Variants in RP1 observed in about 807,000 individuals in gnomAD.
The protein encoded by RP1 is oxygen-regulated protein 1.
RP1 carries 16 observed loss-of-function variants against 14.8 expected under a neutral mutation model. That is an observed-to-expected ratio of 1.08 (90% CI 0.73 to 1.65). RP1 has a LOEUF of 1.65. Among genes scored for constraint, RP1 ranks in the 40% most tolerant of loss-of-function variants. The pLI, the probability that RP1 is intolerant of heterozygous loss-of-function variation, is 0.00. For synonymous variants in RP1, 876 were observed against 883.6 expected (o/e 0.99, Z 0.15); for missense variants, 2,631 against 2,535.0 (o/e 1.04, Z -0.81).
At chr8:54,770,027 C>T (rs1210191492), downstream of RP1, 3 of 486,300 alleles carry the variant, frequency 6.2e-6, no homozygotes, top group Non-Finnish European at 1.1e-5. Context: ...AAGGATTTGC[C>T]TCTGTTAAAG....
downstream of RP1, among the ~76,000 whole-genome samples, chr8:54,635,317 C>T (rs867013844): frequency 3.3e-5 from 5 of 152,124 alleles, no homozygotes; most frequent in Non-Finnish European, 7.4e-5. Flanking sequence ...TTCTTTTCTT[C>T]TGTAACACTA....
intron 26 of RP1, chr8:54,852,857 G>T: frequency 3.2e-6 from 2 of 624,360 alleles, no homozygotes; most frequent in Non-Finnish European, 4.6e-6. Context: ...GGGAGGTGTG[G>T]TCATTTCTTA....
chr8:54,703,846 T>C (rs189785433), intron 14 of RP1, among the ~76,000 whole-genome samples: 2 of 152,346 alleles, frequency 1.3e-5, no homozygotes, highest in Non-Finnish European at 1.5e-5. Flanking sequence ...GTTACGAAGA[T>C]GGCTTCTTTC....
At chr8:54,670,015 C>T (rs1182404850) in intron 7 of RP1, among the ~76,000 whole-genome samples, 1 of 151,890 alleles carries the variant, frequency 6.6e-6, no homozygotes, top group South Asian at 2.1e-4. Flanking sequence ...TACCCTAGAA[C>T]TTAAAGTATA....
At chr8:54,836,860 A>T (rs1372578670) in intron 24 of RP1, among the ~76,000 whole-genome samples, 2 of 151,928 alleles carry the variant, frequency 1.3e-5, no homozygotes, top group Non-Finnish European at 2.9e-5. Context: ...TAATTGATCA[A>T]TTTTTTTTCA....
intron 5 of RP1, among the ~76,000 whole-genome samples, chr8:54,654,538 A>G (rs1257022295): frequency 6.6e-6 from 1 of 152,224 alleles, no homozygotes; most frequent in Non-Finnish European, 1.5e-5. Flanking sequence ...AAGCCTTTCT[A>G]AAAGTGACAT....
chr8:54,670,726 A>T (rs1807162138), intron 7 of RP1, among the ~76,000 whole-genome samples: 1 of 137,410 alleles, frequency 7.3e-6, no homozygotes. Context: ...AGTCCTGGTG[A>T]ATTAACCATA....
At chr8:54,772,337 T>A (rs925660043), downstream of RP1, among the ~76,000 whole-genome samples, 23 of 151,870 alleles carry the variant, frequency 1.5e-4, no homozygotes, top group African/African-American at 5.6e-4. Context: ...CCTCACTAAC[T>A]CCAATAAATT....
At chr8:54,592,216 A>G (rs1353844177) in intron 1 of RP1, among the ~76,000 whole-genome samples, 1 of 152,226 alleles carries the variant, frequency 6.6e-6, no homozygotes, top group Non-Finnish European at 1.5e-5. Context: ...TTCCTCCTGT[A>G]GGAGCTGAAC....
Position 54,624,954 on chromosome 8 carries a change from C to T in RP1, c.1072C>T (p.Pro358Ser). 6.2e-7 allele frequency: 1 copy of T among 1,614,064 alleles called. No individual in the cohort carries two copies. The highest frequency in any genetic ancestry group is 1.1e-5 in the South Asian group (1 of 91,050). The change falls in exon 4 of 4, where the codon CCT becomes TCT. Residue 358 changes from proline to serine, a missense_variant. Physicochemically the swap from Pro to Ser is moderately conservative, Grantham distance 74. Coordinates refer to ENST00000220676, the MANE Select transcript of RP1 (RefSeq NM_006269.2). ...GACAACTACTGTCAGTAAAACTGGT[C>T]CTTCTAATAATGATGAAAAGAGTGA... is the stretch of plus-strand genomic sequence containing the variant. ...KWTTTVSKTG[P>S]SNNDEKSEMS...
chr8:54,844,337 A>G (rs1811862905), intron 25 of RP1, among the ~76,000 whole-genome samples: 1 of 152,162 alleles, frequency 6.6e-6, no homozygotes. Flanking sequence ...TAATGGCAAA[A>G]ACGCAGTTAC....
intron 12 of RP1, among the ~76,000 whole-genome samples, chr8:54,682,902 G>C (rs175829): frequency 6.6e-6 from 1 of 152,072 alleles, no homozygotes; most frequent in African/African-American, 2.4e-5. Context: ...GTATTGCCTA[G>C]ATTTTCTTCT....
rs1015682523 is a variant in RP1, at chr8:54,761,859, T to G, written c.3248+2783T>G. ...GATGAGACAGTTCCTACTTCCTTAATTCTTAAAGGAGCAGAAGAGTATGGC... is the reference window on the plus strand; with the variant it reads ...GATGAGACAGTTCCTACTTCCTTAAGTCTTAAAGGAGCAGAAGAGTATGGC... On this transcript the variant is annotated intron_variant, in intron 22 of 22. Coordinates refer to the RP1 transcript ENST00000636932. Among the ~76,000 whole-genome samples the G allele has an allele frequency of 3.9e-5, 6 of 152,168 alleles. 1 individual carries two copies. Among genetic ancestry groups the G allele is most frequent in the African/African-American group, 1.4e-4 (6 of 41,438 alleles).
intron 14 of RP1, among the ~76,000 whole-genome samples, chr8:54,705,177 T>TC (rs1808120011): frequency 6.6e-6 from 1 of 152,132 alleles, no homozygotes; most frequent in South Asian, 2.1e-4. Context: ...GAGACCACTA[T>TC]CAAGGCTTGA....
chr8:54,775,171 C>A (rs1810003732), intron 23 of RP1, among the ~76,000 whole-genome samples: 1 of 152,006 alleles, frequency 6.6e-6, no homozygotes, highest in Non-Finnish European at 1.5e-5. Context: ...GGTTCTGCTG[C>A]AAAAGTGGTC....
At chr8:54,623,075 C>T (rs1284985052) in intron 3 of RP1, among the ~76,000 whole-genome samples, 1 of 152,098 alleles carries the variant, frequency 6.6e-6, no homozygotes, top group Non-Finnish European at 1.5e-5. Context: ...GTATTAATCT[C>T]TCTACTTATT....
chr8:54,740,403 TAAAAAAA>T lies in RP1; in HGVS notation c.2808+1396_2808+1402del, dbSNP rs34753388. On this transcript the variant is annotated intron_variant, in intron 19 of 22. Coordinates refer to the RP1 transcript ENST00000636932. The stretch of plus-strand genomic sequence containing the variant: ...ATTTTTAACAAGAAAGCTTAAAAAG[TAAAAAAA>T]AAAAAAAAAAAAAAAAAAAAATTAA... Among the ~76,000 whole-genome samples, 16 of 80,240 alleles carry T rather than the reference TAAAAAAA, an allele frequency of 2.0e-4. No homozygotes were observed. In the East Asian group the frequency reaches 5.7e-3, roughly 29 times the overall value. The allele number at this position is 80,240 out of a possible 152,430, so 52.6% of individuals were successfully genotyped here. A position where few individuals can be genotyped will look rare whatever the true frequency, so the allele number is the denominator to read the frequency against.
At position 54,796,390 on chromosome 8, in the gene RP1, TATAGGTTGAATTGTGTTCCTCTAGAAG is replaced by T. The variant is rs1231076524; in HGVS notation, c.3615+12684_3615+12710del. ...GTTTCAGGAAAATGTAGGTGACAGT[TATAGGTTGAATTGTGTTCCTCTAGAAG>T]ATATGTTGAAATCCTTGATACCTGT... On this transcript the variant is annotated intron_variant, in intron 24 of 28. Coordinates refer to the RP1 transcript ENST00000637698. 8.5e-5 allele frequency among the ~76,000 whole-genome samples: 13 copies of T among 152,272 alleles called. No individual in the cohort carries two copies. The South Asian group carries it at 2.7e-3, about 32-fold the overall frequency.
In RP1 at chr8:54,713,315, G is replaced by A. The variant is rs10087732; in HGVS notation, c.2211+6660G>A. ...TCAGGTTAGTAACAAACAGCAGGCC[G>A]TTCATAGGGACATTTGTAAGGGTGT... On this transcript the variant is annotated intron_variant, in intron 15 of 22. Transcript: ENST00000636932. Among the ~76,000 whole-genome samples the A allele has an allele frequency of 7.5e-3, 1,144 of 152,132 alleles. 17 individuals carry two copies. The highest frequency in any genetic ancestry group is 0.026 in the African/African-American group (1,091 of 41,498).
Sources: gnomAD v4.1 joint callset for allele counts (sites outside exome capture counted in the v4.1 genomes callset) on GRCh38, gnomAD v4.1.1 for gene constraint, MANE v1.5 for transcripts, NCBI Gene and HGNC (gene_info 2026-07-23, HGNC 2026-07-21) for gene names.